Variants in NKAIN1 observed in about 807,000 individuals in gnomAD.
NKAIN1 encodes sodium/potassium transporting ATPase interacting 1.
NKAIN1 carries 13 observed loss-of-function variants against 31.6 expected under a neutral mutation model. That is an observed-to-expected ratio of 0.41 (90% CI 0.27 to 0.65). NKAIN1 has a LOEUF of 0.65. NKAIN1 is among the 30% of genes least tolerant of loss of function. NKAIN1 has a pLI of 0.30. For missense variants in NKAIN1, 193 were observed against 262.2 expected (o/e 0.74, Z 1.82); for synonymous variants, 104 against 109.0 (o/e 0.95, Z 0.28).
At chr1:31,214,002 AAT>A (rs1645490496) in intron 1 of NKAIN1, among the ~76,000 whole-genome samples, 1 of 126,264 alleles carries the variant, frequency 7.9e-6, no homozygotes, top group African/African-American at 2.9e-5. Flanking sequence ...TCAAAAAAAG[AAT>A]AAAATAAAAA....
intron 1 of NKAIN1, among the ~76,000 whole-genome samples, chr1:31,222,208 G>C (rs1569574795): frequency 6.6e-6 from 1 of 152,174 alleles, no homozygotes; most frequent in Non-Finnish European, 1.5e-5. Context: ...GCTTGCGCAG[G>C]CTGGGTCCAG....
intron 1 of NKAIN1, among the ~76,000 whole-genome samples, chr1:31,225,888 C>T (rs10449230): frequency 0.015 from 2,218 of 152,322 alleles, 70 homozygotes; most frequent in African/African-American, 0.05. Context: ...GTGACTGCCA[C>T]CTCCATGCTG....
intron 5 of NKAIN1, 122 bp downstream of exon 5, chr1:31,182,408 C>T: frequency 9.3e-7 from 1 of 1,073,668 alleles, no homozygotes. Context: ...CGCCTCTTCC[C>T]CTCGAAAGGG....
chr1:31,184,379 C>T (rs1645227032), intron 3 of NKAIN1, among the ~76,000 whole-genome samples: 3 of 152,172 alleles, frequency 2.0e-5, no homozygotes, highest in Admixed American at 6.5e-5. Context: ...TTGGTCTCCA[C>T]ATTTGTTAAA....
chr1:31,232,424 T>TATAGAGAGAGAG (rs1313157898), intron 1 of NKAIN1, among the ~76,000 whole-genome samples: 5 of 16,924 alleles, frequency 3.0e-4, no homozygotes, highest in African/African-American at 8.6e-4. Flanking sequence ...TATATATATA[T>TATAGAGAGAGAG]AGAGAGAGAG....
rs542652137 is a variant in NKAIN1, at chr1:31,181,483, C to T, written c.*220G>A. The stretch of plus-strand genomic sequence containing the variant: ...CCCGTGGTGCCCCTCCCCCGCCCCG[C>T]CCCACTCCTCCGAAGTCCGGGCTGC... On this transcript the variant is annotated 3_prime_UTR_variant, in exon 7 of 7. Transcript: ENST00000373736. The T allele has an allele frequency of 5.9e-5, 25 of 421,690 alleles. No individual in the cohort carries two copies. In the Admixed American group the frequency reaches 7.7e-4, roughly 13 times the overall value. The allele number at this position is 421,690 out of a possible 1,614,324, so 26.1% of individuals were successfully genotyped here. A position where few individuals can be genotyped will look rare whatever the true frequency, so the allele number is the denominator to read the frequency against.
Position 31,204,805 on chromosome 1 carries a change from C to T in NKAIN1, c.55-16618G>A, listed in dbSNP as rs75340548. On this transcript the variant is annotated intron_variant, in intron 1 of 6. Transcript: ENST00000373736. ...AGAGAGAATTAATTAAGGCAGTGTTCGGAATTTCAGGAGTGGCTAGAGGGA... is the reference window on the plus strand; with the variant it reads ...AGAGAGAATTAATTAAGGCAGTGTTTGGAATTTCAGGAGTGGCTAGAGGGA... Among the ~76,000 whole-genome samples, 1,041 of 152,146 alleles carry T rather than the reference C, an allele frequency of 6.8e-3. 12 individuals carry two copies. Among genetic ancestry groups the T allele is most frequent in the African/African-American group, 0.024 (982 of 41,514 alleles).
At chr1:31,231,250 T>G (rs1397186689) in intron 1 of NKAIN1, among the ~76,000 whole-genome samples, 1 of 151,954 alleles carries the variant, frequency 6.6e-6, no homozygotes, top group East Asian at 1.9e-4. Flanking sequence ...AAAGACAAGA[T>G]TTATTCATCC....
Position 31,214,880 on chromosome 1 carries a change from G to A in NKAIN1, c.54+24614C>T, listed in dbSNP as rs146951210. Among the ~76,000 whole-genome samples the A allele has an allele frequency of 2.3e-3, 353 of 152,338 alleles. 1 individual carries two copies. Among genetic ancestry groups the A allele is most frequent in the African/African-American group, 8.0e-3 (333 of 41,580 alleles). Reference sequence around the variant, plus strand: ...ACCAAAGGGAAGGGCTGGAGGGGCCGTCATGCCCTGTGGCCTGAACAGAGA... The same window carrying A: ...ACCAAAGGGAAGGGCTGGAGGGGCCATCATGCCCTGTGGCCTGAACAGAGA... On this transcript the variant is annotated intron_variant, in intron 1 of 6. Coordinates refer to ENST00000373736, the MANE Select transcript of NKAIN1 (RefSeq NM_024522.3).
intron 1 of NKAIN1, among the ~76,000 whole-genome samples, chr1:31,237,357 C>A (rs946888): frequency 1 from 152,189 of 152,288 alleles, 76,045 homozygotes; most frequent in Middle Eastern, 1. Flanking sequence ...GAGTTAATAC[C>A]TGGAAAAGTG....
rs529164278 is a variant in NKAIN1 at position 31,235,081 on chromosome 1, T to A, written c.54+4413A>T. ...CTTTGCCAAGCACTTTACATATGTATGCTCATTTGGTTAAATGAGGTAATG... is the reference window on the plus strand; with the variant it reads ...CTTTGCCAAGCACTTTACATATGTAAGCTCATTTGGTTAAATGAGGTAATG... On this transcript the variant is annotated intron_variant, in intron 1 of 6. Transcript: ENST00000373736. 2.6e-5 allele frequency among the ~76,000 whole-genome samples: 4 copies of A among 152,322 alleles called. No homozygotes were observed. The South Asian group carries it at 8.3e-4, about 32-fold the overall frequency.
intron 1 of NKAIN1, among the ~76,000 whole-genome samples, chr1:31,238,502 C>T (rs576842383): frequency 6.6e-6 from 1 of 152,220 alleles, no homozygotes; most frequent in African/African-American, 2.4e-5. Flanking sequence ...GGTAGGAGAC[C>T]CCTGCCTCTC....
rs114368779 is a variant in NKAIN1, at chr1:31,187,123, C to T, written c.192+927G>A. Among the ~76,000 whole-genome samples, 830 of 152,282 alleles carry T rather than the reference C, an allele frequency of 5.5e-3. 5 individuals carry two copies. The highest frequency in any genetic ancestry group is 0.019 in the African/African-American group (782 of 41,546). Reference sequence around the variant, plus strand: ...CCTTGTTAGGGTCCTGTTCACCTGGCTTCTGGGAACTGAGCCTGTGGAGGT... The same window carrying T: ...CCTTGTTAGGGTCCTGTTCACCTGGTTTCTGGGAACTGAGCCTGTGGAGGT... On this transcript the variant is annotated intron_variant, in intron 2 of 6. Coordinates refer to ENST00000373736, the MANE Select transcript of NKAIN1 (RefSeq NM_024522.3).
intron 1 of NKAIN1, among the ~76,000 whole-genome samples, chr1:31,204,855 A>G (rs1031201930): frequency 6.6e-6 from 1 of 152,072 alleles, no homozygotes; most frequent in Admixed American, 6.6e-5. Flanking sequence ...GGAAGGCCAG[A>G]ATGAAAACAA....
chr1:31,224,083 A>G (rs1432486516), intron 1 of NKAIN1, among the ~76,000 whole-genome samples: 1 of 152,084 alleles, frequency 6.6e-6, no homozygotes, highest in Non-Finnish European at 1.5e-5. Context: ...TCTCCCTGTA[A>G]AGCGGTTTCC....
chr1:31,200,528 G>T (rs1645372599), intron 1 of NKAIN1, among the ~76,000 whole-genome samples: 1 of 150,558 alleles, frequency 6.6e-6, no homozygotes, highest in African/African-American at 2.5e-5. Flanking sequence ...CATGATCCGG[G>T]CTCACTGCAG....
At chr1:31,237,880 TA>T (rs59981773) in intron 1 of NKAIN1, among the ~76,000 whole-genome samples, 5 of 151,902 alleles carry the variant, frequency 3.3e-5, no homozygotes, top group South Asian at 2.1e-4. Context: ...CTTTTCTAAT[TA>T]AAAAAAACCC....
At chr1:31,222,473 C>T (rs7354881) in intron 1 of NKAIN1, among the ~76,000 whole-genome samples, 56 of 152,352 alleles carry the variant, frequency 3.7e-4, no homozygotes, top group Non-Finnish European at 6.5e-4. Flanking sequence ...TCTGCCAGGC[C>T]TTCACTTTCC....
chr1:31,213,999 A>AT (rs1355600647), intron 1 of NKAIN1, among the ~76,000 whole-genome samples: 11 of 139,058 alleles, frequency 7.9e-5, no homozygotes, highest in Non-Finnish European at 1.4e-4. Flanking sequence ...GTCTCAAAAA[A>AT]AGAATAAAAT....
Sources: allele counts gnomAD v4.1 joint callset (sites outside exome capture counted in the v4.1 genomes callset), GRCh38; gene constraint gnomAD v4.1.1; transcripts MANE v1.5; gene names NCBI Gene and HGNC (gene_info 2026-07-23, HGNC 2026-07-21).